Variants in CTSD observed in about 807,000 individuals in gnomAD.
The protein encoded by CTSD is ceroid-lipofuscinosis, neuronal 10.
CTSD carries 28 observed loss-of-function variants against 43.6 expected under a neutral mutation model. The ratio of observed to expected loss-of-function variants is 0.64; its 90% CI spans 0.48 to 0.88. The LOEUF (loss-of-function observed/expected upper bound fraction) is 0.88. Among genes scored for constraint, CTSD ranks in the 40% least tolerant of loss-of-function variants. The pLI, the probability that CTSD is intolerant of heterozygous loss-of-function variation, is 0.00. For synonymous variants in CTSD, 270 were observed against 249.8 expected (o/e 1.08, Z -0.76); for missense variants, 485 against 555.2 (o/e 0.87, Z 1.27).
intron 4 of CTSD, 96 bp downstream of exon 4, chr11:1,758,873 G>T: frequency 1.1e-6 from 1 of 931,700 alleles, no homozygotes; most frequent in South Asian, 1.3e-5. Flanking sequence ...GTTGGGCTGG[G>T]ATCACCGAGC....
At chr11:1,756,810 G>A (rs1326263527) in intron 5 of CTSD, among the ~76,000 whole-genome samples, 1 of 152,202 alleles carries the variant, frequency 6.6e-6, no homozygotes, top group African/African-American at 2.4e-5. Flanking sequence ...CCTCCTCGAG[G>A]GCAGCCGGCA....
chr11:1,759,386 G>A (rs1845847282), intron 3 of CTSD, 130 bp downstream of exon 3: 1 of 1,355,628 alleles, frequency 7.4e-7, no homozygotes, highest in African/African-American at 1.4e-5. Flanking sequence ...GGAGCAGGGT[G>A]GAGGGCTGGC....
chr11:1,761,234 G>T, intron 2 of CTSD, 75 bp downstream of exon 2: 1 of 1,543,606 alleles, frequency 6.5e-7, no homozygotes, highest in East Asian at 2.2e-5. Flanking sequence ...CAGGAGGTGG[G>T]AATGTTCCCC....
intron 1 of CTSD, 86 bp downstream of exon 1, chr11:1,763,706 A>AG: frequency 7.8e-7 from 1 of 1,284,558 alleles, no homozygotes; most frequent in South Asian, 1.4e-5. Flanking sequence ...TGGGGGCCAC[A>AG]GGGGAGCGCG....
chr11:1,754,968 G>C lies in CTSD; in HGVS notation c.765C>G (p.Tyr255Ter). The stretch of plus-strand genomic sequence containing the variant: ...CATTCAGGTAGGACAGAGAACCCTT[G>C]TAATACTTGGAGTCTGTGCCACCCA... ...LMLGGTDSKY[Y>*]KGSLSYLNVT... The change falls in exon 6 of 9, where the codon TAC becomes TAG. Residue 255 changes from tyrosine to a stop codon, truncating the protein, a stop_gained. Coordinates refer to ENST00000236671, the MANE Select transcript of CTSD (RefSeq NM_001909.5). LOFTEE classifies it high-confidence loss of function. 6.2e-7 allele frequency: 1 copy of C among 1,613,894 alleles called. No individual in the cohort carries two copies. The highest frequency in any genetic ancestry group is 1.7e-5 in the Admixed American group (1 of 60,014).
Position 1,754,033 on chromosome 11 carries a change from C to T in CTSD, c.933G>A (p.Leu311=), listed in dbSNP as rs1428157464. 3.7e-6 allele frequency: 6 copies of T among 1,609,966 alleles called. 1 individual carries two copies. The Middle Eastern group carries it at 6.6e-4, about 177-fold the overall frequency. The part of the protein sequence containing the change: ...MVGPVDEVRE[L]QKAIGAVPLI... ...GCGGCACGGCCCCGATGGCCTTCTG[C>T]AGCTCGCGCACCTCATCCACCGGGC... Residue 311 remains leucine, a synonymous_variant, in exon 7 of 9, where the codon CTG becomes CTA. Transcript: ENST00000236671.
chr11:1,761,690 A>G, intron 1 of CTSD: 1 of 610,172 alleles, frequency 1.6e-6, no homozygotes, highest in South Asian at 1.8e-5. Flanking sequence ...AGTCCTAAGA[A>G]GTGGTCACCC....
Position 1,763,915 on chromosome 11 carries a change from T to A in CTSD, c.-56A>T. 6.8e-7 allele frequency: 1 copy of A among 1,460,890 alleles called. No individual in the cohort carries two copies. Among genetic ancestry groups the A allele is most frequent in the Non-Finnish European group, 9.1e-7 (1 of 1,093,938 alleles). 90.5% of individuals were successfully genotyped at this position (1,460,890 alleles called of 1,614,324 possible). A position where few individuals can be genotyped will look rare whatever the true frequency, so the allele number is the denominator to read the frequency against. On this transcript the variant is annotated 5_prime_UTR_variant, in exon 1 of 9. Coordinates refer to ENST00000236671, the MANE Select transcript of CTSD (RefSeq NM_001909.5). Reference sequence around the variant, plus strand: ...CGAGGCCGTGCGCTTATAGCCGGGATGACGCCGCAGTTGGGCCGGATCAGC... The same window carrying A: ...CGAGGCCGTGCGCTTATAGCCGGGAAGACGCCGCAGTTGGGCCGGATCAGC...
rs1174115566 is a variant in CTSD at position 1,754,039 on chromosome 11, G to A, written c.927C>T (p.Arg309=). The A allele has an allele frequency of 9.3e-6, 15 of 1,610,102 alleles. No homozygotes were observed. Among genetic ancestry groups the A allele is most frequent in the African/African-American group, 4.0e-5 (3 of 74,942 alleles). Residue 309 remains arginine, a synonymous_variant, in exon 7 of 9, where the codon CGC becomes CGT. Coordinates refer to ENST00000236671, the MANE Select transcript of CTSD (RefSeq NM_001909.5). ...CGGCCCCGATGGCCTTCTGCAGCTC[G>A]CGCACCTCATCCACCGGGCCCACCA... ...SLMVGPVDEV[R]ELQKAIGAVP...
chr11:1,756,644 C>T (rs958346972), intron 5 of CTSD, among the ~76,000 whole-genome samples: 15 of 152,108 alleles, frequency 9.9e-5, no homozygotes, highest in African/African-American at 2.4e-5. Context: ...TATGTGGAAC[C>T]CTCCACTCAG....
chr11:1,758,148 C>A, intron 4 of CTSD: 1 of 190,528 alleles, frequency 5.2e-6, no homozygotes, highest in South Asian at 9.2e-5. Context: ...TCAGGCTGAG[C>A]AGGGTCCAGA....
chr11:1,763,787 T>C lies in CTSD; in HGVS notation c.68+5A>G. 1.3e-6 allele frequency: 2 copies of C among 1,524,710 alleles called. No individual in the cohort carries two copies. Among genetic ancestry groups the C allele is most frequent in the Non-Finnish European group, 1.8e-6 (2 of 1,142,520 alleles). The allele number at this position is 1,524,710 out of a possible 1,614,324, so 94.4% of individuals were successfully genotyped here. A position where few individuals can be genotyped will look rare whatever the true frequency, so the allele number is the denominator to read the frequency against. On this transcript the variant is annotated splice_donor_5th_base_variant and intron_variant, in intron 1 of 8. Coordinates refer to ENST00000236671, the MANE Select transcript of CTSD (RefSeq NM_001909.5). ...GTCCCTGAGCCCCGGCCCCTGAGGC[T>C]TCACCTGACGAGCGCGGAGGCGGGT...
chr11:1,761,743 T>C, intron 1 of CTSD: 3 of 531,984 alleles, frequency 5.6e-6, no homozygotes, highest in Non-Finnish European at 1.0e-5. Flanking sequence ...GGGGCCAGTG[T>C]GCCCAACCCT....
chr11:1,754,859 G>A (rs201119473), intron 6 of CTSD, 47 bp downstream of exon 6: 828 of 1,611,794 alleles, frequency 5.1e-4, no homozygotes, highest in Admixed American at 8.0e-4. Context: ...TCCGCACACC[G>A]CCCCCGCCCA....
chr11:1,754,465 G>C (rs1351770948), intron 6 of CTSD, among the ~76,000 whole-genome samples: 2 of 135,586 alleles, frequency 1.5e-5, no homozygotes, highest in African/African-American at 5.5e-5. Flanking sequence ...ACAGATGGAG[G>C]GGATGGAGGG....
rs201837877 is a variant in CTSD at position 1,761,278 on chromosome 11, G to A, written c.228+31C>T. On this transcript the variant is annotated intron_variant, in intron 2 of 8. Coordinates refer to ENST00000236671, the MANE Select transcript of CTSD (RefSeq NM_001909.5). ...ACGGAGCTCTCCTGACAGTGGCTCC[G>A]CTTGCAGCAGGGCTAAGACCTCATA... is the stretch of plus-strand genomic sequence containing the variant. The A allele has an allele frequency of 1.6e-4, 255 of 1,612,326 alleles. No individual in the cohort carries two copies. The African/African-American group carries it at 2.1e-3, about 13-fold the overall frequency.
intron 4 of CTSD, chr11:1,758,068 C>A: frequency 4.8e-6 from 1 of 208,222 alleles, no homozygotes; most frequent in Non-Finnish European, 9.9e-6. Flanking sequence ...AAGGGAACGA[C>A]AGCTTGAGGC....
At position 1,763,866 on chromosome 11, in the gene CTSD, G is replaced by A. The variant is rs1565024434; in HGVS notation, c.-7C>T. 2 of 1,523,046 alleles carry A rather than the reference G, an allele frequency of 1.3e-6. No homozygotes were observed. Among genetic ancestry groups the A allele is most frequent in the Non-Finnish European group, 1.8e-6 (2 of 1,140,816 alleles). The allele number at this position is 1,523,046 out of a possible 1,614,324, so 94.3% of individuals were successfully genotyped here. On this transcript the variant is annotated 5_prime_UTR_variant, in exon 1 of 9. Coordinates refer to ENST00000236671, the MANE Select transcript of CTSD (RefSeq NM_001909.5). Reference sequence around the variant, plus strand: ...GAAGGCTGGAGGGCTGCATGGCGGCGGCGGCCGGGTCGGAGAGGGTCGCCG... The same window carrying A: ...GAAGGCTGGAGGGCTGCATGGCGGCAGCGGCCGGGTCGGAGAGGGTCGCCG...
intron 4 of CTSD, among the ~76,000 whole-genome samples, chr11:1,758,478 G>A (rs1590906874): frequency 6.6e-6 from 1 of 152,132 alleles, no homozygotes; most frequent in Admixed American, 6.5e-5. Flanking sequence ...GATGGTGGAT[G>A]CAGGCGGGGC....
Sources: gnomAD v4.1 joint callset for allele counts (sites outside exome capture counted in the v4.1 genomes callset) on GRCh38, gnomAD v4.1.1 for gene constraint, MANE v1.5 for transcripts, NCBI Gene and HGNC (gene_info 2026-07-23, HGNC 2026-07-21) for gene names.